Variants in ADCY2 observed in about 807,000 individuals in gnomAD.
ADCY2 encodes the protein adenylate cyclase 2.
Under a neutral mutation model 125.2 loss-of-function variants are expected in ADCY2, and 31 were observed. That is an observed-to-expected ratio of 0.25 (90% CI 0.19 to 0.33). The LOEUF is 0.33. ADCY2 is among the 10% of genes least tolerant of loss of function. ADCY2 has a pLI of 1.00. For synonymous variants in ADCY2, 512 were observed against 548.4 expected, an observed-to-expected ratio of 0.93 and a Z score of 0.93; for missense variants, 904 against 1,418.2, an observed-to-expected ratio of 0.64 and a Z score of 5.82.
intron 2 of ADCY2, among the ~76,000 whole-genome samples, chr5:7,515,868 G>A (rs1434489426): frequency 6.6e-6 from 1 of 152,134 alleles, no homozygotes; most frequent in Non-Finnish European, 1.5e-5. Flanking sequence ...AAATAAATGG[G>A]GACTTTAAAT....
At chr5:7,491,730 TC>T (rs1350315119) in intron 2 of ADCY2, among the ~76,000 whole-genome samples, 9 of 152,314 alleles carry the variant, frequency 5.9e-5, no homozygotes, top group African/African-American at 1.9e-4. Flanking sequence ...GTTGTTGACA[TC>T]ATATTATAAT....
chr5:7,704,746 C>T (rs11739425), intron 7 of ADCY2, among the ~76,000 whole-genome samples: 430 of 152,032 alleles, frequency 2.8e-3, no homozygotes, highest in Non-Finnish European at 3.9e-3. Context: ...GGCGGTTTGG[C>T]GTGCGCCTGT....
chr5:7,722,713 C>A (rs1469007710), intron 12 of ADCY2, among the ~76,000 whole-genome samples: 1 of 152,016 alleles, frequency 6.6e-6, no homozygotes, highest in Non-Finnish European at 1.5e-5. Context: ...AATCCCTGAA[C>A]TTTGCAAGGC....
At chr5:7,523,068 T>C (rs1236385152) in intron 3 of ADCY2, among the ~76,000 whole-genome samples, 1 of 152,180 alleles carries the variant, frequency 6.6e-6, no homozygotes, top group Non-Finnish European at 1.5e-5. Context: ...CTGGAACACA[T>C]CCCTTGTACT....
At chr5:7,698,531 C>A (rs533520021) in intron 7 of ADCY2, among the ~76,000 whole-genome samples, 157 bp downstream of exon 7, 89 of 152,214 alleles carry the variant, frequency 5.8e-4, no homozygotes, top group African/African-American at 2.1e-3. Context: ...CTAATGCTAT[C>A]CCTCCCCTCA....
intron 3 of ADCY2, among the ~76,000 whole-genome samples, chr5:7,541,139 G>T (rs1352486798): frequency 1.3e-5 from 2 of 152,122 alleles, no homozygotes; most frequent in African/African-American, 4.8e-5. Flanking sequence ...GATTCTAAGT[G>T]ACTTAAGCTC....
intron 2 of ADCY2, among the ~76,000 whole-genome samples, chr5:7,418,645 C>CTT (rs1160037097): frequency 1.3e-4 from 12 of 92,480 alleles, no homozygotes; most frequent in Admixed American, 2.8e-4. Flanking sequence ...AGTCTACCTT[C>CTT]TGTTTTTTTT....
intron 18 of ADCY2, among the ~76,000 whole-genome samples, chr5:7,778,930 T>C (rs1743826921): frequency 6.6e-6 from 1 of 152,244 alleles, no homozygotes; most frequent in Non-Finnish European, 1.5e-5. Context: ...TTTCTTTAAA[T>C]GAAGAATATA....
intron 3 of ADCY2, among the ~76,000 whole-genome samples, chr5:7,538,856 TTTTCTTTTC>T (rs202028726): frequency 0.31 from 40,465 of 130,380 alleles, 6,250 homozygotes; most frequent in Non-Finnish European, 0.41. Flanking sequence ...TTTTCTTTTC[TTTTCTTTTC>T]TTTTTTTTTT....
At chr5:7,409,732 ATTTTATTTGCTTG>A (rs1739639106) in intron 1 of ADCY2, among the ~76,000 whole-genome samples, 4 of 152,114 alleles carry the variant, frequency 2.6e-5, no homozygotes, top group African/African-American at 9.7e-5. Context: ...TTGCATTTTT[ATTTTATTTGCTTG>A]GCCTATCAAT....
chr5:7,624,770 T>A (rs73050142), intron 3 of ADCY2, among the ~76,000 whole-genome samples: 6,867 of 152,220 alleles, frequency 0.045, 497 homozygotes, highest in African/African-American at 0.15. Flanking sequence ...GGTCTGTGTT[T>A]TGGGGAGATT....
chr5:7,669,037 C>T (rs1247442782), intron 4 of ADCY2, among the ~76,000 whole-genome samples: 1 of 152,170 alleles, frequency 6.6e-6, no homozygotes, highest in African/African-American at 2.4e-5. Flanking sequence ...AGGCAGCCAT[C>T]CTGGGCCTGA....
chr5:7,721,917 T>C (rs1484075147), intron 12 of ADCY2, among the ~76,000 whole-genome samples: 1 of 152,246 alleles, frequency 6.6e-6, no homozygotes, highest in Non-Finnish European at 1.5e-5. Context: ...GCATCTGTTC[T>C]TATTACAAAA....
chr5:7,758,963 G>A (rs969925263), intron 16 of ADCY2, among the ~76,000 whole-genome samples: 6 of 152,166 alleles, frequency 3.9e-5, no homozygotes, highest in East Asian at 1.9e-4. Context: ...GCGAGAGATC[G>A]TAAATTCCTC....
rs1311783470 is a variant in ADCY2 at position 7,448,289 on chromosome 5, C to G, written c.408+33519C>G. Among the ~76,000 whole-genome samples the G allele has an allele frequency of 4.6e-5, 7 of 152,288 alleles. No individual in the cohort carries two copies. The East Asian group carries it at 1.4e-3, about 29-fold the overall frequency. On this transcript the variant is annotated intron_variant, in intron 2 of 24. Transcript: ENST00000338316. ...ATACATTAAAGATGCAGAAGGGTCT[C>G]TGAAGAATGTCGTGTGCCAGACCCA...
chr5:7,805,085 G>A (rs935786277), intron 22 of ADCY2, among the ~76,000 whole-genome samples: 60 of 152,156 alleles, frequency 3.9e-4, no homozygotes, highest in African/African-American at 1.4e-3. Context: ...GGAGGCCGAG[G>A]TGGGTGGATC....
At chr5:7,573,414 G>C (rs923879895) in intron 3 of ADCY2, among the ~76,000 whole-genome samples, 3 of 152,032 alleles carry the variant, frequency 2.0e-5, no homozygotes, top group African/African-American at 4.8e-5. Context: ...GGTGTCAGGG[G>C]TGTGTGCTCA....
At chr5:7,565,136 C>G (rs10074700) in intron 3 of ADCY2, among the ~76,000 whole-genome samples, 3,700 of 152,302 alleles carry the variant, frequency 0.024, 142 homozygotes, top group African/African-American at 0.084. Flanking sequence ...TGCCGGTGGC[C>G]CAGCTCACAT....
chr5:7,726,802 C>G (rs1488354856), intron 13 of ADCY2, among the ~76,000 whole-genome samples: 1 of 152,228 alleles, frequency 6.6e-6, no homozygotes, highest in African/African-American at 2.4e-5. Context: ...CCCTTTCCCT[C>G]AGTAGTCATA....
Sources: gnomAD v4.1 joint callset for allele counts (sites outside exome capture counted in the v4.1 genomes callset) on GRCh38, gnomAD v4.1.1 for gene constraint, MANE v1.5 for transcripts, NCBI Gene and HGNC (gene_info 2026-07-23, HGNC 2026-07-21) for gene names.